FAM184B: variants seen among roughly 807,000 people sequenced by gnomAD.
FAM184B encodes family with sequence similarity 184 member B, also known as protein FAM184B.
Under a neutral mutation model 135.9 loss-of-function variants are expected in FAM184B, and 111 were observed. That is an observed-to-expected ratio of 0.82 (90% CI 0.70 to 0.96). The LOEUF is 0.96. FAM184B is among the 40% of genes least tolerant of loss of function. The pLI is 0.00. For synonymous variants in FAM184B, 552 were observed against 524.8 expected (o/e 1.05, Z -0.71); for missense variants, 1,375 against 1,323.9 (o/e 1.04, Z -0.60).
At position 17,708,200 on chromosome 4, in the gene FAM184B, A is replaced by G. The variant is rs543771169; in HGVS notation, c.895-416T>C. Among the ~76,000 whole-genome samples the G allele has an allele frequency of 3.3e-5, 5 of 152,300 alleles. No homozygotes were observed. The South Asian group carries it at 1.0e-3, about 32-fold the overall frequency. On this transcript the variant is annotated intron_variant, in intron 2 of 17. Coordinates refer to ENST00000265018, the MANE Select transcript of FAM184B (RefSeq NM_015688.2). ...TCAAACACTTATTAGCCATGTGCCA[A>G]TGTAGGCTAGTCCTTACGCCTCTCA...
chr4:17,664,710 A>C, intron 7 of FAM184B, 51 bp from the exon 8 acceptor site: 3 of 1,401,030 alleles, frequency 2.1e-6, no homozygotes, highest in South Asian at 2.6e-5. Flanking sequence ...GATGAGCTTA[A>C]GTACAGCTTC....
At chr4:17,707,587 C>A in intron 3 of FAM184B, 62 bp downstream of exon 3, 1 of 1,538,776 alleles carries the variant, frequency 6.5e-7, no homozygotes, top group Non-Finnish European at 8.8e-7. Flanking sequence ...CTGCCAGTAG[C>A]ACCAGACCAA....
intron 15 of FAM184B, among the ~76,000 whole-genome samples, chr4:17,636,063 C>T (rs1715124544): frequency 6.6e-6 from 1 of 151,904 alleles, no homozygotes; most frequent in Admixed American, 6.6e-5. Flanking sequence ...CTCCTATTTT[C>T]CTGTATTAAT....
intron 12 of FAM184B, among the ~76,000 whole-genome samples, chr4:17,643,069 T>G (rs1285846463): frequency 6.6e-6 from 1 of 152,242 alleles, no homozygotes; most frequent in East Asian, 1.9e-4. Context: ...GGGCACCCAC[T>G]TGGCACTCTC....
intron 14 of FAM184B, among the ~76,000 whole-genome samples, chr4:17,637,845 A>G (rs1715192131): frequency 6.6e-6 from 1 of 152,126 alleles, no homozygotes; most frequent in Non-Finnish European, 1.5e-5. Context: ...CAGCAGTCAG[A>G]AGTGACCCTG....
chr4:17,703,704 G>A (rs1450727576), intron 5 of FAM184B, among the ~76,000 whole-genome samples: 1 of 152,098 alleles, frequency 6.6e-6, no homozygotes, highest in Non-Finnish European at 1.5e-5. Context: ...AGGCCAAGGA[G>A]GGCGGATCAC....
At chr4:17,752,524 T>A (rs1400158016) in intron 1 of FAM184B, among the ~76,000 whole-genome samples, 3 of 152,248 alleles carry the variant, frequency 2.0e-5, no homozygotes, top group South Asian at 4.1e-4. Flanking sequence ...GAGAGCCATG[T>A]TCTTAAGGTG....
At chr4:17,765,076 AG>A (rs1468742490) in intron 1 of FAM184B, among the ~76,000 whole-genome samples, 3 of 152,216 alleles carry the variant, frequency 2.0e-5, no homozygotes, top group African/African-American at 7.2e-5. Flanking sequence ...AAAGAAAAAA[AG>A]AAAGTAATTC....
chr4:17,664,837 G>C (rs1437426355), intron 7 of FAM184B, among the ~76,000 whole-genome samples, 178 bp from the exon 8 acceptor site: 7 of 152,152 alleles, frequency 4.6e-5, no homozygotes, highest in Non-Finnish European at 8.8e-5. Context: ...GACGTGACTA[G>C]AACAGTGCCT....
intron 1 of FAM184B, among the ~76,000 whole-genome samples, chr4:17,740,759 C>T (rs1276281577): frequency 6.6e-6 from 1 of 152,176 alleles, no homozygotes; most frequent in Admixed American, 6.5e-5. Context: ...CAGAAGCCAA[C>T]CTCCAGGCCC....
chr4:17,650,014 CTG>C (rs775892417), intron 11 of FAM184B, among the ~76,000 whole-genome samples: 9 of 152,118 alleles, frequency 5.9e-5, no homozygotes, highest in Non-Finnish European at 8.8e-5. Context: ...ACCCATCCAT[CTG>C]TGTGTCCACC....
Position 17,633,960 on chromosome 4 carries a change from A to C in FAM184B, c.2890-72T>G, listed in dbSNP as rs1715045974. The C allele has an allele frequency of 3.4e-6, 4 of 1,193,330 alleles. No homozygotes were observed. The East Asian group carries it at 1.2e-4, about 36-fold the overall frequency. 73.9% of individuals were successfully genotyped at this position (1,193,330 alleles called of 1,614,324 possible). On this transcript the variant is annotated intron_variant, in intron 16 of 17. Coordinates refer to ENST00000265018, the MANE Select transcript of FAM184B (RefSeq NM_015688.2). Reference sequence around the variant, plus strand: ...AAATAAAGCATTATTGTAAAAGCAAATAATGCTCACCCAATCAAAATTGTA... The same window carrying C: ...AAATAAAGCATTATTGTAAAAGCAACTAATGCTCACCCAATCAAAATTGTA...
intron 11 of FAM184B, among the ~76,000 whole-genome samples, chr4:17,651,208 G>A (rs565633588): frequency 6.6e-6 from 1 of 152,276 alleles, no homozygotes; most frequent in East Asian, 1.9e-4. Flanking sequence ...CTACAAAAAT[G>A]AGAGAGGTCT....
At position 17,629,320 on chromosome 4, in the gene FAM184B, G is replaced by A. The variant is rs898307793; in HGVS notation, c.*3212C>T. ...TACCCTTGGAAATCTGACAGATACA[G>A]TAAGATGGTCCCTATCATAGTTCCA... On this transcript the variant is annotated 3_prime_UTR_variant, in exon 18 of 18. Transcript: ENST00000265018. The A allele has an allele frequency of 3.3e-5, 5 of 152,230 alleles. No homozygotes were observed. Among genetic ancestry groups the A allele is most frequent in the African/African-American group, 1.2e-4 (5 of 41,446 alleles). 9.4% of individuals were successfully genotyped at this position (152,230 alleles called of 1,614,324 possible). A position where few individuals can be genotyped will look rare whatever the true frequency, so the allele number is the denominator to read the frequency against.
intron 17 of FAM184B, chr4:17,632,914 A>C: frequency 4.5e-6 from 1 of 219,802 alleles, no homozygotes; most frequent in South Asian, 8.5e-5. Context: ...AAACCTACAG[A>C]TCAAGAGACT....
chr4:17,633,623 A>C (rs1715031486), intron 17 of FAM184B, 66 bp downstream of exon 17: 1 of 1,345,494 alleles, frequency 7.4e-7, no homozygotes, highest in African/African-American at 1.5e-5. Flanking sequence ...GCTAGAAAGA[A>C]TCCTACTTCC....
rs1435663283 is a variant in FAM184B, at chr4:17,639,373, G to C, written c.2543C>G (p.Ala848Gly). Reference protein sequence around the residue: ...QRRFLEETQQAQRAREVETLR... With the variant: ...QRRFLEETQQGQRAREVETLR... ...TGTCTCCACCTCCCTGGCCCGCTGG[G>C]CTTGCTGAGTCTCCTCCAGGAACCT... Residue 848 changes from alanine to glycine, a missense_variant, in exon 14 of 18, where the codon GCC (alanine) becomes GGC (glycine). Coordinates refer to ENST00000265018, the MANE Select transcript of FAM184B (RefSeq NM_015688.2). 17 of 1,551,558 alleles carry C rather than the reference G, an allele frequency of 1.1e-5. No homozygotes were observed. Among genetic ancestry groups the C allele is most frequent in the African/African-American group, 1.4e-5 (1 of 73,052 alleles).
At chr4:17,731,609 A>G (rs1297609070) in intron 1 of FAM184B, among the ~76,000 whole-genome samples, 1 of 152,234 alleles carries the variant, frequency 6.6e-6, no homozygotes, top group Non-Finnish European at 1.5e-5. Flanking sequence ...AAAGGGATCA[A>G]TTCAACAAGA....
At chr4:17,729,589 CCA>C (rs1717727095) in intron 1 of FAM184B, among the ~76,000 whole-genome samples, 1 of 152,186 alleles carries the variant, frequency 6.6e-6, no homozygotes, top group Non-Finnish European at 1.5e-5. Flanking sequence ...TTGCGGTTCA[CCA>C]AGATCTGCTG....
Sources: gnomAD v4.1 joint callset for allele counts (sites outside exome capture counted in the v4.1 genomes callset) on GRCh38, gnomAD v4.1.1 for gene constraint, MANE v1.5 for transcripts, NCBI Gene and HGNC (gene_info 2026-07-23, HGNC 2026-07-21) for gene names.